PLXNA2: variants seen among roughly 807,000 people sequenced by gnomAD.
The protein encoded by PLXNA2 is plexin A2.
Under a neutral mutation model 193.5 loss-of-function variants are expected in PLXNA2, and 91 were observed. The ratio of observed to expected loss-of-function variants is 0.47; its 90% CI spans 0.40 to 0.56. The LOEUF (loss-of-function observed/expected upper bound fraction) is 0.56. Among genes scored for constraint, PLXNA2 ranks in the 20% least tolerant of loss-of-function variants. The pLI is 0.00. For missense variants in PLXNA2, 1,995 were observed against 2,503.2 expected, an observed-to-expected ratio of 0.80 and a Z score of 4.33; for synonymous variants, 997 against 1,027.3, an observed-to-expected ratio of 0.97 and a Z score of 0.56.
At chr1:208,039,519 T>C (rs1664790252) in intron 24 of PLXNA2, 102 bp downstream of exon 24, 4 of 1,501,376 alleles carry the variant, frequency 2.7e-6, no homozygotes, top group Non-Finnish European at 3.6e-6. Context: ...CAGCCTCCCA[T>C]CCTCTTTATT....
intron 3 of PLXNA2, among the ~76,000 whole-genome samples, chr1:208,159,115 C>T (rs1669026348): frequency 6.6e-6 from 1 of 152,136 alleles, no homozygotes; most frequent in African/African-American, 2.4e-5. Flanking sequence ...TCCAATCAAC[C>T]TAGGGAGTGG....
intron 3 of PLXNA2, among the ~76,000 whole-genome samples, chr1:208,188,308 G>T (rs1248339406): frequency 1.3e-5 from 2 of 152,138 alleles, no homozygotes; most frequent in Non-Finnish European, 2.9e-5. Flanking sequence ...CACAACAAAG[G>T]TATGGAGCCC....
chr1:208,129,857 C>G (rs1668094309), intron 4 of PLXNA2, among the ~76,000 whole-genome samples: 1 of 152,228 alleles, frequency 6.6e-6, no homozygotes, highest in Non-Finnish European at 1.5e-5. Flanking sequence ...GTTTGATGAG[C>G]TATTTAATGG....
intron 3 of PLXNA2, among the ~76,000 whole-genome samples, chr1:208,197,477 A>G (rs995283338): frequency 5.9e-5 from 9 of 152,320 alleles, no homozygotes; most frequent in Admixed American, 1.3e-4. Context: ...GAATCTCAAC[A>G]TGAAAGAGAG....
At chr1:208,031,020 C>G in intron 29 of PLXNA2, 1 of 987,914 alleles carries the variant, frequency 1.0e-6, no homozygotes, top group Non-Finnish European at 1.2e-6. Flanking sequence ...GCTATGGCGC[C>G]AGGATAATCA....
chr1:208,181,312 G>A (rs1340991489), intron 3 of PLXNA2, among the ~76,000 whole-genome samples: 1 of 152,184 alleles, frequency 6.6e-6, no homozygotes, highest in African/African-American at 2.4e-5. Context: ...AGGGTGCAGG[G>A]AAGGCCCTGT....
intron 24 of PLXNA2, 35 bp from the exon 25 acceptor site, chr1:208,039,019 A>G (rs1408560891): frequency 2.5e-6 from 4 of 1,595,786 alleles, no homozygotes; most frequent in Non-Finnish European, 3.4e-6. Context: ...GCAGGACAGG[A>G]GTTGAAGGAG....
chr1:208,181,451 A>T (rs1669839671), intron 3 of PLXNA2, among the ~76,000 whole-genome samples: 1 of 152,192 alleles, frequency 6.6e-6, no homozygotes, highest in Non-Finnish European at 1.5e-5. Flanking sequence ...AGCTCAGGAG[A>T]TGAAAGTCTG....
At chr1:208,206,564 A>G (rs936095203) in intron 3 of PLXNA2, among the ~76,000 whole-genome samples, 4 of 151,692 alleles carry the variant, frequency 2.6e-5, no homozygotes, top group African/African-American at 7.3e-5. Flanking sequence ...CTCTCCCCCA[A>G]CTCATCAGTT....
chr1:208,096,769 G>A lies in PLXNA2; in HGVS notation c.1846C>T (p.Pro616Ser). The change falls in exon 7 of 32, where the codon CCT (proline) becomes TCT (serine). Residue 616 changes from proline to serine, a missense_variant. This residue lies in a region of PLXNA2 where 702 missense variants were observed against 812.9 expected (regional missense o/e 0.86). Transcript: ENST00000367033. ...ATGACAGGGACATCCTTGGGCCCAG[G>A]TGAGATGCAGATGACCTGGCTCCCG... ...VSGSQVICIS[P>S]GPKDVPVIPL... The A allele has an allele frequency of 6.2e-7, 1 of 1,614,116 alleles. No homozygotes were observed. The highest frequency in any genetic ancestry group is 8.5e-7 in the Non-Finnish European group (1 of 1,180,030).
chr1:208,100,469 G>A (rs2102414405), intron 5 of PLXNA2, among the ~76,000 whole-genome samples: 1 of 152,220 alleles, frequency 6.6e-6, no homozygotes, highest in East Asian at 1.9e-4. Flanking sequence ...TGCCATGACA[G>A]TGTTAGCCCT....
intron 3 of PLXNA2, among the ~76,000 whole-genome samples, chr1:208,156,223 T>A (rs1005693224): frequency 7.2e-5 from 11 of 152,148 alleles, no homozygotes; most frequent in African/African-American, 2.4e-4. Context: ...GCTTTAGACA[T>A]CCTGACTATT....
At chr1:208,030,336 C>G in intron 29 of PLXNA2, 3 of 985,594 alleles carry the variant, frequency 3.0e-6, no homozygotes, top group Non-Finnish European at 3.6e-6. Flanking sequence ...ATCTGGCCAG[C>G]ACACAGAAGG....
chr1:208,032,009 G>C (rs1571841229), intron 28 of PLXNA2: 1 of 985,290 alleles, frequency 1.0e-6, no homozygotes, highest in African/African-American at 1.7e-5. Context: ...TCCACACAGG[G>C]TGTAGGCTCA....
intron 12 of PLXNA2, among the ~76,000 whole-genome samples, chr1:208,069,688 T>C (rs1403243467): frequency 6.6e-6 from 1 of 152,062 alleles, no homozygotes; most frequent in Non-Finnish European, 1.5e-5. Flanking sequence ...TAGGGGCTTA[T>C]CGGGGCAGAG....
chr1:208,241,629 A>G (rs749480721), intron 1 of PLXNA2, among the ~76,000 whole-genome samples: 6 of 152,168 alleles, frequency 3.9e-5, no homozygotes, highest in Non-Finnish European at 7.3e-5. Context: ...TTCCCTGCAC[A>G]TCGCTCCAAA....
At chr1:208,198,679 G>T (rs1451844053) in intron 3 of PLXNA2, among the ~76,000 whole-genome samples, 1 of 152,214 alleles carries the variant, frequency 6.6e-6, no homozygotes, top group Non-Finnish European at 1.5e-5. Flanking sequence ...ACTCAAAAGG[G>T]TGCAAAGAGG....
chr1:208,065,923 C>T (rs1295091618), intron 12 of PLXNA2, among the ~76,000 whole-genome samples: 1 of 152,184 alleles, frequency 6.6e-6, no homozygotes, highest in African/African-American at 2.4e-5. Flanking sequence ...TGGCTATCAG[C>T]CATTCTGGGG....
At chr1:208,059,130 G>A (rs1484183276) in intron 13 of PLXNA2, among the ~76,000 whole-genome samples, 2 of 152,180 alleles carry the variant, frequency 1.3e-5, no homozygotes, top group Non-Finnish European at 2.9e-5. Flanking sequence ...ATTTGGGGTC[G>A]TGTAACTGAG....
Sources: allele counts gnomAD v4.1 joint callset (sites outside exome capture counted in the v4.1 genomes callset), GRCh38; gene constraint gnomAD v4.1.1; regional missense constraint gnomAD v4.1.1; transcripts MANE v1.5; gene names NCBI Gene and HGNC (gene_info 2026-07-23, HGNC 2026-07-21).